The following FBXL22 variants were observed in gnomAD, a reference collection of about 807,000 sequenced individuals.
The protein encoded by FBXL22 is F-box and leucine-rich protein 22.
In FBXL22, 13 loss-of-function variants were observed where a neutral mutation model predicts 11.7. The observed-to-expected ratio is 1.11, with a 90% CI of 0.73 to 1.77. The LOEUF (loss-of-function observed/expected upper bound fraction) is 1.77. FBXL22 is among the 40% of genes most tolerant of loss of function. FBXL22 has a pLI of 0.00. For synonymous variants in FBXL22, 160 were observed against 144.1 expected, an observed-to-expected ratio of 1.11 and a Z score of -0.79; for missense variants, 406 against 320.4, an observed-to-expected ratio of 1.27 and a Z score of -2.04.
chr15:63,607,953 GGCTA>G, the FBXL22 span, among the ~76,000 whole-genome samples: 1 of 152,208 alleles, frequency 6.6e-6, no homozygotes, highest in African/African-American at 2.4e-5. Flanking sequence ...GGCCCGCAGG[GGCTA>G]GCTGAGTTTG....
In FBXL22 at chr15:63,600,894, AC is replaced by A; in HGVS notation, c.552del (p.Asn184LysfsTer2). The A allele has an allele frequency of 1.6e-6, 2 of 1,224,596 alleles. No homozygotes were observed. Among genetic ancestry groups the A allele is most frequent in the Non-Finnish European group, 2.0e-6 (2 of 983,166 alleles). 75.9% of individuals were successfully genotyped at this position (1,224,596 alleles called of 1,614,324 possible). On this transcript the variant is annotated frameshift_variant, in exon 2 of 2. Coordinates refer to ENST00000638704, the MANE Select transcript of FBXL22 (RefSeq NM_001367807.1). LOFTEE classifies it high-confidence loss of function. ...LQTLHVDFCR[N>X]VSAAGLRRLR... is the part of the protein sequence containing the mutation. The stretch of plus-strand genomic sequence containing the variant: ...ACATTGCACGTGGACTTCTGCCGCA[AC>A]GTGAGCGCGGCCGGCCTGCGCCGCC...
the FBXL22 span, chr15:63,608,474 T>A: frequency 4.6e-5 from 7 of 152,676 alleles, no homozygotes; most frequent in African/African-American, 1.4e-4. Context: ...AAGCCCACCC[T>A]CAATGTAAAG....
downstream of FBXL22, among the ~76,000 whole-genome samples, chr15:63,602,898 T>C (rs536418394): frequency 4.6e-5 from 7 of 152,130 alleles, no homozygotes; most frequent in Non-Finnish European, 1.0e-4. Flanking sequence ...TGAGAAGCAA[T>C]GCAGCCCGCA....
intron 1 of FBXL22, chr15:63,600,384 A>C: frequency 8.8e-7 from 1 of 1,141,592 alleles, no homozygotes; most frequent in Non-Finnish European, 1.1e-6. Context: ...GGCTCCTGGA[A>C]CCGGCATTCC....
chr15:63,600,504 G>A, intron 1 of FBXL22, 193 bp from the exon 2 acceptor site: 1 of 1,227,272 alleles, frequency 8.1e-7, no homozygotes, highest in East Asian at 3.2e-5. Flanking sequence ...ACGGTGGGGT[G>A]CAGGGGCAGA....
downstream of FBXL22, among the ~76,000 whole-genome samples, chr15:63,602,937 T>C (rs2067392060): frequency 6.6e-6 from 1 of 152,196 alleles, no homozygotes; most frequent in African/African-American, 2.4e-5. Context: ...TTTAAACTTT[T>C]TTCCCATTCT....
rs1214223025 is a variant in FBXL22 at position 63,600,972 on chromosome 15, T to A, written c.629T>A (p.Met210Lys). 5.9e-6 allele frequency: 7 copies of A among 1,194,086 alleles called. No homozygotes were observed. In the South Asian group the frequency reaches 2.1e-4, roughly 35 times the overall value. 74.0% of individuals were successfully genotyped at this position (1,194,086 alleles called of 1,614,324 possible). The part of the protein sequence containing the change: ...LALRAEHSAA[M>K]LPDQPPRPRA... ...CTGCGGGCAGAGCACAGCGCCGCCATGCTGCCCGACCAGCCCCCGCGCCCG... is the reference window on the plus strand; with the variant it reads ...CTGCGGGCAGAGCACAGCGCCGCCAAGCTGCCCGACCAGCCCCCGCGCCCG... Residue 210 changes from methionine to lysine, a missense_variant, in exon 2 of 2, where the codon ATG becomes AAG. Physicochemically the swap from Met to Lys is moderately conservative, Grantham distance 95. Transcript: ENST00000638704.
At chr15:63,599,583 G>A (rs2152688411) in intron 1 of FBXL22, 6 of 1,017,104 alleles carry the variant, frequency 5.9e-6, no homozygotes, top group Non-Finnish European at 7.1e-6. Flanking sequence ...CCTGAAGGAG[G>A]CCCGGGCTCG....
At chr15:63,606,987 C>T (rs74018144), downstream of FBXL22, among the ~76,000 whole-genome samples, 1,854 of 152,026 alleles carry the variant, frequency 0.012, 32 homozygotes, top group African/African-American at 0.043. Context: ...GCAAGAGGGA[C>T]GCAGGAAGCG....
At chr15:63,601,949 G>C, downstream of FBXL22, 1 of 499,264 alleles carries the variant, frequency 2.0e-6, no homozygotes, top group Non-Finnish European at 3.5e-6. Flanking sequence ...TTGAATTTCA[G>C]GGCTGTAGTC....
chr15:63,601,024 G>A lies in FBXL22; in HGVS notation c.681G>A (p.Lys227=), dbSNP rs1157612994. The A allele has an allele frequency of 3.3e-6, 4 of 1,212,902 alleles. No homozygotes were observed. Among genetic ancestry groups the A allele is most frequent in the African/African-American group, 1.6e-5 (1 of 63,576 alleles). The allele number at this position is 1,212,902 out of a possible 1,614,324, so 75.1% of individuals were successfully genotyped here. The change falls in exon 2 of 2, where the codon AAG becomes AAA. Residue 227 remains lysine (K), a synonymous_variant. Transcript: ENST00000638704. ...RPRAPAAALG[K]LLQR is the part of the protein sequence containing the mutation. ...GCGCGCCCGCCGCGGCCCTCGGCAA[G>A]CTGCTGCAGCGCTAGACGCCGCCCC...
rs2067364623 is a variant in FBXL22 at position 63,601,096 on chromosome 15, C to A, written c.*57C>A. The stretch of plus-strand genomic sequence containing the variant: ...GCGCAGCCCCAGACCGTCCTGGCTT[C>A]GAACCCAGCTCTTCCACCTTCAGAC... On this transcript the variant is annotated 3_prime_UTR_variant, in exon 2 of 2. Coordinates refer to ENST00000638704, the MANE Select transcript of FBXL22 (RefSeq NM_001367807.1). The A allele has an allele frequency of 2.3e-6, 3 of 1,292,450 alleles. No homozygotes were observed. Among genetic ancestry groups the A allele is most frequent in the Non-Finnish European group, 2.0e-6 (2 of 1,022,142 alleles). The allele number at this position is 1,292,450 out of a possible 1,614,324, so 80.1% of individuals were successfully genotyped here. A position where few individuals can be genotyped will look rare whatever the true frequency, so the allele number is the denominator to read the frequency against.
chr15:63,605,742 T>C (rs111672632), downstream of FBXL22, among the ~76,000 whole-genome samples: 1 of 152,196 alleles, frequency 6.6e-6, no homozygotes, highest in African/African-American at 2.4e-5. Context: ...CAATGCTAAC[T>C]CTTTCTAAGG....
the FBXL22 span, among the ~76,000 whole-genome samples, chr15:63,607,748 T>A: frequency 2.0e-5 from 3 of 152,252 alleles, no homozygotes; most frequent in Non-Finnish European, 4.4e-5. Flanking sequence ...GCAAAGACCC[T>A]GTCCGCGAAG....
At chr15:63,601,552 A>T (rs1258390757), downstream of FBXL22, 1 of 1,560,024 alleles carries the variant, frequency 6.4e-7, no homozygotes, top group East Asian at 2.4e-5. Flanking sequence ...CCCGGTGGTG[A>T]TCTCGGTGAA....
chr15:63,599,722 CT>C, intron 1 of FBXL22: 7 of 987,274 alleles, frequency 7.1e-6, no homozygotes, highest in Non-Finnish European at 8.4e-6. Flanking sequence ...AAGGGAAACG[CT>C]TCCCCAGCCC....
rs2067327161 is a variant in FBXL22, at chr15:63,599,376, C to A, written c.354-1321C>A. 1.3e-5 allele frequency: 18 copies of A among 1,410,488 alleles called. No individual in the cohort carries two copies. In the South Asian group the frequency reaches 2.7e-4, roughly 21 times the overall value. The allele number at this position is 1,410,488 out of a possible 1,614,324, so 87.4% of individuals were successfully genotyped here. The stretch of plus-strand genomic sequence containing the variant: ...CACCTTTGAGGCTTAAACACCTAAT[C>A]CTTATAACCACCTTGAAGGTAACAA... On this transcript the variant is annotated intron_variant, in intron 1 of 1. Coordinates refer to ENST00000638704, the MANE Select transcript of FBXL22 (RefSeq NM_001367807.1).
At chr15:63,602,145 C>T, downstream of FBXL22, 1 of 159,556 alleles carries the variant, frequency 6.3e-6, no homozygotes, top group South Asian at 1.9e-4. Flanking sequence ...GGTGTTTCTT[C>T]TGTGTGAAAG....
chr15:63,597,879 A>T lies in FBXL22; in HGVS notation c.353+134A>T. 1 of 768,766 alleles carries T rather than the reference A, an allele frequency of 1.3e-6. No homozygotes were observed. The allele number at this position is 768,766 out of a possible 1,614,324, so 47.6% of individuals were successfully genotyped here. On this transcript the variant is annotated intron_variant, in intron 1 of 1. Transcript: ENST00000638704. This position sits in a 1 kb window ranked among gnomAD's most constrained non-coding sequence, Gnocchi z 4.3. ...GCCTCAAACTAGGCCCAAGGCAGAC[A>T]TCCAGACCGCCCAAAGCAGGGTCCC... is the stretch of plus-strand genomic sequence containing the variant.
Sources: gnomAD v4.1 joint callset for allele counts (sites outside exome capture counted in the v4.1 genomes callset) on GRCh38, gnomAD v4.1.1 for gene constraint, Gnocchi (gnomAD v3.1) non-coding constraint, MANE v1.5 for transcripts, NCBI Gene and HGNC (gene_info 2026-07-23, HGNC 2026-07-21) for gene names.